The following FGF14 variants were observed in gnomAD, a reference collection of about 807,000 sequenced individuals.
FGF14 encodes the protein fibroblast growth factor homologous factor 4.
A neutral mutation model predicts 25.5 loss-of-function variants in FGF14; 5 were observed. The ratio of observed to expected loss-of-function variants is 0.20; its 90% CI spans 0.10 to 0.41. The LOEUF is 0.41. Ranked by LOEUF, FGF14 falls within the 10% of genes least tolerant of loss-of-function variation. FGF14 has a pLI of 1.00. For synonymous variants in FGF14, 138 were observed against 118.3 expected (o/e 1.17, Z -1.08); for missense variants, 222 against 320.1 (o/e 0.69, Z 2.34).
In FGF14 at chr13:101,743,528, A is replaced by C. The variant is rs552667531; in HGVS notation, c.409-16718T>G. On this transcript the variant is annotated intron_variant, in intron 3 of 4. Transcript: ENST00000376143. ...CTAATTTGTAACAAAATATTAATAA[A>C]AACTGAATGAGGGTGAATCCCTCTT... Among the ~76,000 whole-genome samples, 79 of 152,312 alleles carry C rather than the reference A, an allele frequency of 5.2e-4. No homozygotes were observed. In the Middle Eastern group the frequency reaches 0.014, roughly 26 times the overall value.
chr13:102,203,173 T>C (rs2049746262), intron 1 of FGF14, among the ~76,000 whole-genome samples: 1 of 152,230 alleles, frequency 6.6e-6, no homozygotes, highest in African/African-American at 2.4e-5. Flanking sequence ...TAGCAGTATA[T>C]TTGTCTTCTT....
intron 1 of FGF14, among the ~76,000 whole-genome samples, chr13:102,250,687 A>T (rs758048196): frequency 3.9e-5 from 6 of 152,220 alleles, no homozygotes; most frequent in Non-Finnish European, 7.3e-5. Context: ...AAATTTATTT[A>T]AAGAGACATA....
chr13:101,828,170 A>C (rs1290887539), intron 3 of FGF14, among the ~76,000 whole-genome samples: 1 of 152,104 alleles, frequency 6.6e-6, no homozygotes, highest in Non-Finnish European at 1.5e-5. Flanking sequence ...AACAACAGCC[A>C]CGAATAGATG....
At chr13:102,296,463 C>A (rs1186101161) in intron 1 of FGF14, among the ~76,000 whole-genome samples, 1 of 152,106 alleles carries the variant, frequency 6.6e-6, no homozygotes, top group African/African-American at 2.4e-5. Context: ...ACTTCATTGG[C>A]CTTGATAATC....
upstream of FGF14, among the ~76,000 whole-genome samples, chr13:101,920,655 A>G (rs2033931875): frequency 6.6e-6 from 1 of 152,142 alleles, no homozygotes. Flanking sequence ...AAATATATGT[A>G]TTCCCTATGT....
chr13:102,146,446 T>C (rs1335715806), intron 1 of FGF14, among the ~76,000 whole-genome samples: 2 of 152,176 alleles, frequency 1.3e-5, no homozygotes, highest in Non-Finnish European at 2.9e-5. Context: ...CAAGAGAACT[T>C]AAATACAGCA....
intron 1 of FGF14, among the ~76,000 whole-genome samples, chr13:102,245,151 C>T (rs2051800105): frequency 6.6e-6 from 1 of 152,024 alleles, no homozygotes; most frequent in Admixed American, 6.6e-5. Context: ...CCATCTACAG[C>T]CTACCTGAGC....
At chr13:102,062,882 T>G (rs2042749236) in intron 1 of FGF14, among the ~76,000 whole-genome samples, 1 of 152,206 alleles carries the variant, frequency 6.6e-6, no homozygotes, top group Non-Finnish European at 1.5e-5. Context: ...ACTAAAAATT[T>G]GACCAAGGTG....
intron 1 of FGF14, among the ~76,000 whole-genome samples, chr13:102,038,032 A>G (rs2041558737): frequency 6.6e-6 from 1 of 152,212 alleles, no homozygotes; most frequent in South Asian, 2.1e-4. Flanking sequence ...GAGGTACAGA[A>G]GGAAATAATG....
intron 1 of FGF14, among the ~76,000 whole-genome samples, chr13:102,315,126 G>A (rs1324601675): frequency 1.3e-5 from 2 of 151,938 alleles, no homozygotes; most frequent in Admixed American, 1.3e-4. Flanking sequence ...TAATATATAT[G>A]TATATTGTGT....
At chr13:102,076,670 C>A (rs1157930615) in intron 1 of FGF14, among the ~76,000 whole-genome samples, 1 of 152,044 alleles carries the variant, frequency 6.6e-6, no homozygotes. Flanking sequence ...ACAAATAAAT[C>A]CATGAACATG....
chr13:101,915,182 T>C (rs181227306), intron 1 of FGF14, among the ~76,000 whole-genome samples: 53 of 152,342 alleles, frequency 3.5e-4, no homozygotes, highest in Admixed American at 1.1e-3. Flanking sequence ...TAATCTCCAA[T>C]TTCTTAAATG....
In FGF14 at chr13:102,181,253, G is replaced by A. The variant is rs1594306071; in HGVS notation, c.208+220218C>T. Among the ~76,000 whole-genome samples the A allele has an allele frequency of 2.0e-5, 3 of 152,192 alleles. 1 individual carries two copies. The highest frequency in any genetic ancestry group is 7.2e-5 in the African/African-American group (3 of 41,550). Reference sequence around the variant, plus strand: ...AGGCAGAATAACGATCTCCGAAGACGTCCATGCCCGAATCCCCAGAGCCCA... The same window carrying A: ...AGGCAGAATAACGATCTCCGAAGACATCCATGCCCGAATCCCCAGAGCCCA... On this transcript the variant is annotated intron_variant, in intron 1 of 4. Coordinates refer to the FGF14 transcript ENST00000376131.
At chr13:101,953,598 T>A (rs2036317057) in intron 1 of FGF14, among the ~76,000 whole-genome samples, 1 of 145,794 alleles carries the variant, frequency 6.9e-6, no homozygotes, top group Non-Finnish European at 1.6e-5. Flanking sequence ...AATTTTTATT[T>A]TTTTTTTTTG....
chr13:102,159,139 C>CAAAAAAAAAA (rs1228096265), intron 1 of FGF14, among the ~76,000 whole-genome samples: 3 of 74,098 alleles, frequency 4.0e-5, no homozygotes, highest in Non-Finnish European at 5.4e-5. Flanking sequence ...GACTCTGTCT[C>CAAAAAAAAAA]AAAAAAAAAA....
At chr13:101,838,973 A>G (rs1594435412) in intron 3 of FGF14, among the ~76,000 whole-genome samples, 1 of 152,056 alleles carries the variant, frequency 6.6e-6, no homozygotes, top group Non-Finnish European at 1.5e-5. Flanking sequence ...CGAGGTTTCA[A>G]AATTATTGAC....
At chr13:101,833,124 G>A (rs995092061) in intron 3 of FGF14, among the ~76,000 whole-genome samples, 1 of 151,988 alleles carries the variant, frequency 6.6e-6, no homozygotes, top group Non-Finnish European at 1.5e-5. Context: ...GTCAGGCCAG[G>A]GTGGGTAGGA....
chr13:102,285,213 C>G (rs1302457082), intron 1 of FGF14, among the ~76,000 whole-genome samples: 1 of 152,224 alleles, frequency 6.6e-6, no homozygotes, highest in East Asian at 1.9e-4. Flanking sequence ...GATTAATGTT[C>G]TTGGTACCTG....
chr13:101,932,032 A>T (rs1208358007), intron 1 of FGF14, among the ~76,000 whole-genome samples: 2 of 152,192 alleles, frequency 1.3e-5, no homozygotes, highest in Non-Finnish European at 2.9e-5. Flanking sequence ...TATTATATAA[A>T]TGATCAGGGA....
Sources: gnomAD v4.1 joint callset for allele counts (sites outside exome capture counted in the v4.1 genomes callset) on GRCh38, gnomAD v4.1.1 for gene constraint, MANE v1.5 for transcripts, NCBI Gene and HGNC (gene_info 2026-07-23, HGNC 2026-07-21) for gene names.